The following ASIC2 variants were observed in gnomAD, a reference collection of about 807,000 sequenced individuals.
ASIC2 encodes acid sensing ion channel subunit 2, also known as acid-sensing ion channel 2.
ASIC2 carries 25 observed loss-of-function variants against 57.3 expected under a neutral mutation model. That is an observed-to-expected ratio of 0.44 (90% CI 0.32 to 0.61). The LOEUF is 0.61. Ranked by LOEUF, ASIC2 falls within the 20% of genes least tolerant of loss-of-function variation. The pLI is 0.06. For missense variants in ASIC2, 641 were observed against 738.1 expected, an observed-to-expected ratio of 0.87 and a Z score of 1.52; for synonymous variants, 319 against 307.5, an observed-to-expected ratio of 1.04 and a Z score of -0.39.
intron 1 of ASIC2, among the ~76,000 whole-genome samples, chr17:33,592,136 C>G (rs6505360): frequency 0.4 from 60,076 of 151,920 alleles, 12,766 homozygotes; most frequent in African/African-American, 0.56. Flanking sequence ...CACCAGCACA[C>G]AAGACCAAGG....
At chr17:33,418,002 C>CCCA (rs1172394756) in intron 1 of ASIC2, among the ~76,000 whole-genome samples, 6 of 149,750 alleles carry the variant, frequency 4.0e-5, no homozygotes, top group African/African-American at 1.2e-4. Flanking sequence ...AGCCAGAGGC[C>CCCA]CCACTCTGGC....
At chr17:33,262,683 G>A (rs12452452) in intron 1 of ASIC2, among the ~76,000 whole-genome samples, 52,467 of 151,986 alleles carry the variant, frequency 0.35, 9,162 homozygotes, top group South Asian at 0.43. Flanking sequence ...GTTAAACCTT[G>A]TTGAGTGTGA....
intron 1 of ASIC2, among the ~76,000 whole-genome samples, chr17:33,501,518 T>C (rs181896101): frequency 9.2e-5 from 14 of 152,362 alleles, no homozygotes; most frequent in Admixed American, 7.8e-4. Context: ...AGTGGCAGTG[T>C]TGAAACCTGT....
chr17:33,196,317 CGATGATGATGAT>C (rs142802377), intron 1 of ASIC2, among the ~76,000 whole-genome samples: 6 of 151,004 alleles, frequency 4.0e-5, no homozygotes, highest in Non-Finnish European at 5.9e-5. Flanking sequence ...ATGATGATGA[CGATGATGATGAT>C]GATGATGATG....
intron 1 of ASIC2, among the ~76,000 whole-genome samples, chr17:33,395,350 C>T (rs886751510): frequency 1.3e-5 from 2 of 152,110 alleles, no homozygotes; most frequent in Non-Finnish European, 2.9e-5. Flanking sequence ...GGAAGCCTCA[C>T]AATCATGGTG....
chr17:33,583,167 T>G (rs1280655695), intron 1 of ASIC2, among the ~76,000 whole-genome samples: 1 of 152,230 alleles, frequency 6.6e-6, no homozygotes, highest in Non-Finnish European at 1.5e-5. Flanking sequence ...TTAGTTTTAT[T>G]GTTGTTTTTC....
At chr17:33,314,062 AC>A (rs2142208338) in intron 1 of ASIC2, among the ~76,000 whole-genome samples, 1 of 152,216 alleles carries the variant, frequency 6.6e-6, no homozygotes, top group African/African-American at 2.4e-5. Context: ...TGTGGGTGGC[AC>A]TATCACAGAG....
At chr17:33,419,303 G>A (rs1018942819) in intron 1 of ASIC2, among the ~76,000 whole-genome samples, 2 of 152,190 alleles carry the variant, frequency 1.3e-5, no homozygotes, top group African/African-American at 4.8e-5. Flanking sequence ...GCAGCTTAGA[G>A]AAAATGAACT....
chr17:33,377,559 T>C (rs948983932), intron 1 of ASIC2, among the ~76,000 whole-genome samples: 1 of 152,220 alleles, frequency 6.6e-6, no homozygotes, highest in African/African-American at 2.4e-5. Flanking sequence ...TGCCTTACCC[T>C]CCAGGCAAAG....
intron 1 of ASIC2, among the ~76,000 whole-genome samples, chr17:33,302,738 T>C (rs1212593386): frequency 6.6e-6 from 1 of 152,164 alleles, no homozygotes; most frequent in Non-Finnish European, 1.5e-5. Context: ...TCTGCAGTCC[T>C]GTGGACCTGT....
intron 1 of ASIC2, among the ~76,000 whole-genome samples, chr17:33,415,645 C>T (rs1349341935): frequency 6.6e-6 from 1 of 152,002 alleles, no homozygotes; most frequent in Non-Finnish European, 1.5e-5. Flanking sequence ...CCTCATATTA[C>T]ACACTGGAGC....
chr17:33,148,337 C>T (rs1904649625), intron 1 of ASIC2, among the ~76,000 whole-genome samples: 1 of 152,146 alleles, frequency 6.6e-6, no homozygotes, highest in Non-Finnish European at 1.5e-5. Flanking sequence ...AATGAACTGC[C>T]CAAGGTCACA....
At chr17:33,804,623 C>T (rs1406739225) in intron 1 of ASIC2, among the ~76,000 whole-genome samples, 2 of 152,186 alleles carry the variant, frequency 1.3e-5, no homozygotes, top group Non-Finnish European at 2.9e-5. Flanking sequence ...TGACTCTGCA[C>T]CTTTGAACGA....
At position 33,648,467 on chromosome 17, in the gene ASIC2, TA is replaced by T. The variant is rs370373695; in HGVS notation, c.555+507510del. Among the ~76,000 whole-genome samples the T allele has an allele frequency of 6.1e-4, 93 of 152,354 alleles. 1 individual carries two copies. In the South Asian group the frequency reaches 0.019, roughly 31 times the overall value. ...TGACTGCTATATAGGAAGGACTTAG[TA>T]ACAATATATTGAATAAATAAGTAGA... On this transcript the variant is annotated intron_variant, in intron 1 of 9. Coordinates refer to the ASIC2 transcript ENST00000359872.
At chr17:33,968,611 A>G (rs1189288108) in intron 1 of ASIC2, among the ~76,000 whole-genome samples, 4 of 152,132 alleles carry the variant, frequency 2.6e-5, no homozygotes, top group African/African-American at 9.7e-5. Flanking sequence ...TCAATCTCTG[A>G]CCCTTCCAGG....
intron 1 of ASIC2, among the ~76,000 whole-genome samples, chr17:34,011,131 G>GCA (rs150959299): frequency 0.13 from 458 of 3,518 alleles, 2 homozygotes; most frequent in Non-Finnish European, 0.21. Context: ...TCAGACACAG[G>GCA]CACACACACA....
intron 1 of ASIC2, among the ~76,000 whole-genome samples, chr17:33,203,573 T>C (rs1396263918): frequency 6.6e-6 from 1 of 152,188 alleles, no homozygotes; most frequent in Non-Finnish European, 1.5e-5. Context: ...CCCGCCTTTT[T>C]ATTCCACTCA....
At chr17:33,734,193 G>A (rs926319116) in intron 1 of ASIC2, among the ~76,000 whole-genome samples, 23 of 151,030 alleles carry the variant, frequency 1.5e-4, no homozygotes, top group African/African-American at 4.6e-4. Context: ...CAGTGCTCCC[G>A]TGTGAGGCCA....
chr17:33,676,199 T>C (rs1408961397), intron 1 of ASIC2, among the ~76,000 whole-genome samples: 1 of 152,204 alleles, frequency 6.6e-6, no homozygotes. Context: ...TTCCCTTTCT[T>C]TGGGAAATTG....
Sources: gnomAD v4.1 joint callset for allele counts (sites outside exome capture counted in the v4.1 genomes callset) on GRCh38, gnomAD v4.1.1 for gene constraint, MANE v1.5 for transcripts, NCBI Gene and HGNC (gene_info 2026-07-23, HGNC 2026-07-21) for gene names.